The following TRIT1 variants were observed in gnomAD, a reference collection of about 807,000 sequenced individuals.
TRIT1 encodes tRNA dimethylallyltransferase.
Under a neutral mutation model 51.2 loss-of-function variants are expected in TRIT1, and 43 were observed. The ratio of observed to expected loss-of-function variants is 0.84; its 90% CI spans 0.66 to 1.08. The LOEUF is 1.08. Ranked by LOEUF, TRIT1 falls within the 50% of genes least tolerant of loss-of-function variation. TRIT1 has a pLI of 0.00. For synonymous variants in TRIT1, 184 were observed against 203.9 expected, an observed-to-expected ratio of 0.90 and a Z score of 0.83; for missense variants, 528 against 578.4, an observed-to-expected ratio of 0.91 and a Z score of 0.89.
intron 4 of TRIT1, among the ~76,000 whole-genome samples, chr1:39,850,737 G>A (rs1642512970): frequency 6.6e-6 from 1 of 152,172 alleles, no homozygotes; most frequent in Admixed American, 6.5e-5. Context: ...CTCACTTTCA[G>A]ATAAACAGTA....
rs907013006 is a variant in TRIT1 at position 39,876,938 on chromosome 1, A to C, written c.174+6380T>G. On this transcript the variant is annotated intron_variant, in intron 1 of 10. Transcript: ENST00000316891. ...GCAAGACTCCATCTCAAAAAAAAAA[A>C]ACAAAAAAAAAAGGACTGCCTTTGT... Among the ~76,000 whole-genome samples, 5 of 150,838 alleles carry C rather than the reference A, an allele frequency of 3.3e-5. No homozygotes were observed. The South Asian group carries it at 6.3e-4, about 19-fold the overall frequency.
chr1:39,848,897 T>C (rs868801174), intron 5 of TRIT1, among the ~76,000 whole-genome samples: 1 of 151,886 alleles, frequency 6.6e-6, no homozygotes, highest in African/African-American at 2.4e-5. Flanking sequence ...TGAGAGGTCG[T>C]AATTGTTCAG....
intron 6 of TRIT1, 104 bp from the exon 7 acceptor site, chr1:39,847,764 T>C (rs918516351): frequency 5.7e-6 from 9 of 1,582,572 alleles, no homozygotes; most frequent in Non-Finnish European, 7.7e-6. Context: ...GATAAGGAAA[T>C]TGAGATCCTG....
At chr1:39,866,317 C>A (rs1643553758) in intron 1 of TRIT1, among the ~76,000 whole-genome samples, 1 of 152,290 alleles carries the variant, frequency 6.6e-6, no homozygotes, top group African/African-American at 2.4e-5. Context: ...GGATTATAGG[C>A]ACCTGTCACC....
chr1:39,846,760 A>G (rs61779833), intron 8 of TRIT1, among the ~76,000 whole-genome samples: 21,747 of 152,266 alleles, frequency 0.14, 2,045 homozygotes, highest in Non-Finnish European at 0.22. Context: ...CTGTTCAACT[A>G]AAGTTTCATT....
intron 1 of TRIT1, among the ~76,000 whole-genome samples, chr1:39,869,331 C>T (rs1459077830): frequency 2.0e-5 from 3 of 152,244 alleles, no homozygotes; most frequent in African/African-American, 7.2e-5. Flanking sequence ...TCTCCAGCTC[C>T]TAACCGCGAG....
Position 39,883,301 on chromosome 1 carries a change from C to T in TRIT1, c.174+17G>A, listed in dbSNP as rs754152194. The stretch of plus-strand genomic sequence containing the variant: ...CTCCGGGGTCCCCAGGCGCCCGGGC[C>T]AGCCGCACTGCCATACCTGCATGGA... On this transcript the variant is annotated intron_variant, in intron 1 of 10. Transcript: ENST00000316891. The T allele has an allele frequency of 2.8e-5, 45 of 1,593,666 alleles. No homozygotes were observed. Among genetic ancestry groups the T allele is most frequent in the Non-Finnish European group, 3.8e-5 (45 of 1,170,928 alleles).
intron 1 of TRIT1, among the ~76,000 whole-genome samples, chr1:39,865,786 C>G (rs1355505679): frequency 6.6e-6 from 1 of 150,956 alleles, no homozygotes; most frequent in East Asian, 1.9e-4. Flanking sequence ...AGAGGGTGAG[C>G]TGCAGTGGGC....
chr1:39,848,165 G>T, intron 5 of TRIT1, 68 bp from the exon 6 acceptor site: 1 of 1,134,570 alleles, frequency 8.8e-7, no homozygotes, highest in Non-Finnish European at 1.3e-6. Flanking sequence ...TACATGACGA[G>T]TGAACAGGTG....
At position 39,838,402 on chromosome 1, in the gene TRIT1, G is replaced by A. The variant is rs1652454227; in HGVS notation, c.*3342C>T. On this transcript the variant is annotated 3_prime_UTR_variant, in exon 11 of 11. Coordinates refer to ENST00000316891, the MANE Select transcript of TRIT1 (RefSeq NM_017646.6). ...TATTTGACTGTGTCTAGGTGCTAGGGATATTGACAAGTCACTGCATTCATA... is the reference window on the plus strand; with the variant it reads ...TATTTGACTGTGTCTAGGTGCTAGGAATATTGACAAGTCACTGCATTCATA... Among the ~76,000 whole-genome samples the A allele has an allele frequency of 1.3e-5, 2 of 152,184 alleles. No individual in the cohort carries two copies.
chr1:39,871,164 G>A (rs775860350), intron 1 of TRIT1, among the ~76,000 whole-genome samples: 57 of 151,014 alleles, frequency 3.8e-4, no homozygotes, highest in Non-Finnish European at 7.2e-4. Context: ...CTGCACCCCA[G>A]CCTGGGCAAC....
chr1:39,880,712 T>A (rs1318839403), intron 1 of TRIT1, among the ~76,000 whole-genome samples: 2 of 151,480 alleles, frequency 1.3e-5, no homozygotes, highest in African/African-American at 4.9e-5. Context: ...GGCAGGAGAA[T>A]TGCTTGAACC....
chr1:39,867,478 C>T (rs1156630597), intron 1 of TRIT1, among the ~76,000 whole-genome samples: 2 of 152,062 alleles, frequency 1.3e-5, no homozygotes, highest in African/African-American at 2.4e-5. Flanking sequence ...ATGTGTATAA[C>T]ATACATGTGA....
At chr1:39,854,962 C>T (rs1035373528) in intron 2 of TRIT1, among the ~76,000 whole-genome samples, 1 of 152,038 alleles carries the variant, frequency 6.6e-6, no homozygotes, top group Non-Finnish European at 1.5e-5. Context: ...CCCACCTCAG[C>T]TCCCGCCACC....
At chr1:39,869,940 G>A (rs1013424438) in intron 1 of TRIT1, among the ~76,000 whole-genome samples, 2 of 151,620 alleles carry the variant, frequency 1.3e-5, no homozygotes, top group African/African-American at 2.4e-5. Context: ...GGCGGGGGGC[G>A]CCTCTGCCTG....
chr1:39,870,806 A>C (rs1470569869), intron 1 of TRIT1, among the ~76,000 whole-genome samples: 1 of 152,150 alleles, frequency 6.6e-6, no homozygotes, highest in Non-Finnish European at 1.5e-5. Context: ...TTAGGTATTT[A>C]CTCAAATGAA....
At chr1:39,864,805 G>A (rs986015019) in intron 1 of TRIT1, among the ~76,000 whole-genome samples, 10 of 152,098 alleles carry the variant, frequency 6.6e-5, no homozygotes, top group African/African-American at 1.7e-4. Flanking sequence ...AGCAGTGTCC[G>A]TGGCAGTGGG....
At chr1:39,842,899 T>C (rs1642000799) in intron 10 of TRIT1, among the ~76,000 whole-genome samples, 1 of 152,130 alleles carries the variant, frequency 6.6e-6, no homozygotes, top group Admixed American at 6.5e-5. Context: ...GGGCTGGCTC[T>C]CCATGGCAGC....
intron 1 of TRIT1, among the ~76,000 whole-genome samples, chr1:39,880,168 C>T (rs930633364): frequency 3.6e-5 from 2 of 56,136 alleles, no homozygotes; most frequent in Admixed American, 4.0e-4. Context: ...AGCAATACTC[C>T]GTCTCAAAAC....
Sources: gnomAD v4.1 joint callset for allele counts (sites outside exome capture counted in the v4.1 genomes callset) on GRCh38, gnomAD v4.1.1 for gene constraint, MANE v1.5 for transcripts, NCBI Gene and HGNC (gene_info 2026-07-23, HGNC 2026-07-21) for gene names.